CSNK1G1: variants seen among roughly 807,000 people sequenced by gnomAD.
CSNK1G1 encodes casein kinase I isoform gamma-1.
CSNK1G1 carries 22 observed loss-of-function variants against 59.6 expected under a neutral mutation model. The observed-to-expected ratio is 0.37, with a 90% CI of 0.26 to 0.53. The LOEUF is 0.53. CSNK1G1 is among the 20% of genes least tolerant of loss of function. CSNK1G1 has a pLI of 0.89. For synonymous variants in CSNK1G1, 179 were observed against 177.1 expected, an observed-to-expected ratio of 1.01 and a Z score of -0.08; for missense variants, 384 against 519.5, an observed-to-expected ratio of 0.74 and a Z score of 2.54.
chr15:64,202,760 C>T (rs1378297782), intron 10 of CSNK1G1, among the ~76,000 whole-genome samples: 1 of 152,028 alleles, frequency 6.6e-6, no homozygotes, highest in Admixed American at 6.6e-5. Flanking sequence ...CACCATCTTG[C>T]CCAGGCTGGT....
intron 2 of CSNK1G1, among the ~76,000 whole-genome samples, chr15:64,277,749 TTAA>T (rs1464266403): frequency 1.6e-5 from 1 of 61,450 alleles, no homozygotes; most frequent in Non-Finnish European, 3.2e-5. Flanking sequence ...ATTGATATAT[TTAA>T]TAATATAGCA....
At chr15:64,212,008 C>T (rs1010967974) in intron 6 of CSNK1G1, among the ~76,000 whole-genome samples, 5 of 152,162 alleles carry the variant, frequency 3.3e-5, no homozygotes, top group African/African-American at 1.2e-4. Context: ...TGGAAAATTA[C>T]TTGTCATTGT....
chr15:64,251,650 G>A, intron 3 of CSNK1G1, 69 bp from the exon 4 acceptor site: 1 of 1,102,822 alleles, frequency 9.1e-7, no homozygotes, highest in South Asian at 1.3e-5. Context: ...TAAATTTTTG[G>A]AGTAAACGAG....
chr15:64,311,677 G>GAAAAAA (rs11371950), intron 1 of CSNK1G1, among the ~76,000 whole-genome samples: 2 of 108,142 alleles, frequency 1.8e-5, no homozygotes, highest in African/African-American at 7.0e-5. Flanking sequence ...TAAAAAAAGT[G>GAAAAAA]AAAAAAAAAA....
In CSNK1G1 at chr15:64,324,219, G is replaced by A. The variant is rs193134403; in HGVS notation, c.-224-23496C>T. On this transcript the variant is annotated intron_variant, in intron 1 of 11. Transcript: ENST00000303052. ...ACCGAAGCATATGATTGTCCTGTGC[G>A]ATGGTTAATACTGAGTGTCAACTTG... 1.5e-4 allele frequency among the ~76,000 whole-genome samples: 23 copies of A among 152,242 alleles called. No individual in the cohort carries two copies. The East Asian group carries it at 4.2e-3, about 28-fold the overall frequency.
rs1264497910 is a variant in CSNK1G1, at chr15:64,166,059, G to T, written c.*5872C>A. The T allele has an allele frequency of 1.5e-6, 1 of 658,454 alleles. No individual in the cohort carries two copies. The highest frequency in any genetic ancestry group is 2.7e-6 in the Non-Finnish European group (1 of 368,362). 40.8% of individuals were successfully genotyped at this position (658,454 alleles called of 1,614,324 possible). ...CAGCTGAGCTTTGTGACCAGTGCCA[G>T]GGTTTATGAAACATTATACATCTAA... On this transcript the variant is annotated 3_prime_UTR_variant, in exon 12 of 12. Transcript: ENST00000303052. This position sits in a 1 kb window ranked among gnomAD's most constrained non-coding sequence, Gnocchi z 4.5.
At chr15:64,205,960 C>T (rs1296676298) in intron 7 of CSNK1G1, among the ~76,000 whole-genome samples, 1 of 152,174 alleles carries the variant, frequency 6.6e-6, no homozygotes, top group African/African-American at 2.4e-5. Context: ...GTACCCCAAA[C>T]TACTGATTAA....
chr15:64,343,236 C>CACACACACACACACACACACA (rs1555405238), intron 1 of CSNK1G1, among the ~76,000 whole-genome samples: 69 of 150,798 alleles, frequency 4.6e-4, no homozygotes, highest in East Asian at 1.4e-3. Flanking sequence ...CACACACACA[C>CACACACACACACACACACACA]CTCTTCTAAA....
In CSNK1G1 at chr15:64,279,618, T is replaced by C. The variant is rs79823298; in HGVS notation, c.182-20377A>G. ...TTAAATATGTTTCTTGGTGCACATA[T>C]ATATGCATTTTCTTAAGTGAATACC... On this transcript the variant is annotated intron_variant, in intron 2 of 11. Transcript: ENST00000303052. Among the ~76,000 whole-genome samples the C allele has an allele frequency of 3.0e-3, 464 of 152,282 alleles. 1 individual carries two copies. Among genetic ancestry groups the C allele is most frequent in the African/African-American group, 0.011 (445 of 41,564 alleles).
intron 10 of CSNK1G1, 79 bp from the exon 11 acceptor site, chr15:64,180,533 A>C: frequency 9.1e-7 from 1 of 1,101,796 alleles, no homozygotes; most frequent in Non-Finnish European, 1.4e-6. Flanking sequence ...GGGTCGCTAA[A>C]CAGGCAGTGT....
chr15:64,316,161 G>C (rs542232549), intron 1 of CSNK1G1, among the ~76,000 whole-genome samples: 2 of 151,546 alleles, frequency 1.3e-5, no homozygotes, highest in East Asian at 3.9e-4. Context: ...CAAAGCACTG[G>C]GATTAAAAAC....
intron 1 of CSNK1G1, among the ~76,000 whole-genome samples, chr15:64,307,091 T>C (rs188794792): frequency 9.2e-5 from 14 of 152,304 alleles, no homozygotes; most frequent in East Asian, 1.9e-4. Flanking sequence ...TCCAAATCCA[T>C]AGAATGTATA....
At chr15:64,241,445 T>C (rs941260640) in intron 4 of CSNK1G1, among the ~76,000 whole-genome samples, 3 of 152,186 alleles carry the variant, frequency 2.0e-5, no homozygotes, top group Non-Finnish European at 4.4e-5. Flanking sequence ...TAAACATCAC[T>C]TTAGACCAAA....
At chr15:64,267,330 T>C (rs1458042755) in intron 2 of CSNK1G1, among the ~76,000 whole-genome samples, 1 of 138,770 alleles carries the variant, frequency 7.2e-6, no homozygotes, top group African/African-American at 2.7e-5. Flanking sequence ...AACAGGCAAA[T>C]GGGATTATAT....
intron 10 of CSNK1G1, chr15:64,195,010 G>A (rs1458398713): frequency 6.6e-6 from 1 of 152,204 alleles, no homozygotes; most frequent in African/African-American, 2.4e-5. Context: ...AAGGATGAGA[G>A]ATTACCTTTA....
chr15:64,265,878 G>GT (rs1892953673), intron 2 of CSNK1G1: 2 of 454,060 alleles, frequency 4.4e-6, no homozygotes, highest in Admixed American at 4.8e-5. Context: ...CAGGCCAGGA[G>GT]TTTGAGAGCA....
At chr15:64,291,731 T>C (rs1436767263) in intron 2 of CSNK1G1, among the ~76,000 whole-genome samples, 1 of 152,220 alleles carries the variant, frequency 6.6e-6, no homozygotes, top group Non-Finnish European at 1.5e-5. Flanking sequence ...ATAAAACAGA[T>C]AACATGGAGA....
chr15:64,211,343 T>C (rs1238355863), intron 6 of CSNK1G1, among the ~76,000 whole-genome samples: 1 of 152,230 alleles, frequency 6.6e-6, no homozygotes, highest in Non-Finnish European at 1.5e-5. Flanking sequence ...CTACAAAAAC[T>C]TCTATCGTTT....
At position 64,201,131 on chromosome 15, in the gene CSNK1G1, G is replaced by C. The variant is rs558077406; in HGVS notation, c.1107+1951C>G. ...TAATAAAAATACAAAAATTAGCCAG[G>C]TATGGTGGTATGTGCCTGTAATCCC... is the stretch of plus-strand genomic sequence containing the variant. On this transcript the variant is annotated intron_variant, in intron 10 of 11. Transcript: ENST00000303052. 6.6e-5 allele frequency among the ~76,000 whole-genome samples: 10 copies of C among 152,130 alleles called. No homozygotes were observed. The South Asian group carries it at 2.1e-3, about 32-fold the overall frequency.
Sources: allele counts gnomAD v4.1 joint callset (sites outside exome capture counted in the v4.1 genomes callset), GRCh38; gene constraint gnomAD v4.1.1; non-coding constraint Gnocchi (gnomAD v3.1); transcripts MANE v1.5; gene names NCBI Gene and HGNC (gene_info 2026-07-23, HGNC 2026-07-21).